Variants in CNBD1 observed in about 807,000 individuals in gnomAD.
CNBD1 encodes the protein cyclic nucleotide binding domain containing 1.
Under a neutral mutation model 54.4 loss-of-function variants are expected in CNBD1, and 71 were observed. The ratio of observed to expected loss-of-function variants is 1.30; its 90% CI spans 1.08 to 1.59. The LOEUF (loss-of-function observed/expected upper bound fraction) is 1.59. CNBD1 is among the 40% of genes most tolerant of loss of function. The pLI is 0.00. For synonymous variants in CNBD1, 182 were observed against 170.7 expected (o/e 1.07, Z -0.51); for missense variants, 659 against 518.0 (o/e 1.27, Z -2.64).
intron 5 of CNBD1, among the ~76,000 whole-genome samples, chr8:87,212,565 A>T (rs1226074775): frequency 6.6e-6 from 1 of 152,200 alleles, no homozygotes; most frequent in African/African-American, 2.4e-5. Flanking sequence ...TTGATGGTCT[A>T]TTGGTTTTAG....
At chr8:86,887,740 A>G (rs1808702359) in intron 2 of CNBD1, 129 bp downstream of exon 2, 3 of 611,762 alleles carry the variant, frequency 4.9e-6, no homozygotes, top group Admixed American at 3.4e-5. Context: ...AGATAAAAAC[A>G]GTTGAAAACC....
At chr8:87,250,885 T>C (rs1479841436) in intron 6 of CNBD1, among the ~76,000 whole-genome samples, 1 of 152,098 alleles carries the variant, frequency 6.6e-6, no homozygotes, top group Non-Finnish European at 1.5e-5. Context: ...TACAATGGGA[T>C]AGAGGAAGTA....
At chr8:87,057,034 T>C (rs999013004) in intron 4 of CNBD1, among the ~76,000 whole-genome samples, 3 of 152,172 alleles carry the variant, frequency 2.0e-5, no homozygotes, top group Non-Finnish European at 2.9e-5. Flanking sequence ...ATGTTACTTC[T>C]ATTATTATAT....
chr8:87,269,633 AC>A (rs1195946248), intron 6 of CNBD1, among the ~76,000 whole-genome samples: 1 of 151,836 alleles, frequency 6.6e-6, no homozygotes, highest in Non-Finnish European at 1.5e-5. Flanking sequence ...AAGATCTTTT[AC>A]CCCCTTCATA....
At chr8:87,015,526 T>A in intron 4 of CNBD1, among the ~76,000 whole-genome samples, 1 of 152,294 alleles carries the variant, frequency 6.6e-6, no homozygotes, top group Middle Eastern at 3.4e-3. Flanking sequence ...TTTAAGTTTT[T>A]AAATTCTATA....
intron 4 of CNBD1, among the ~76,000 whole-genome samples, chr8:86,984,910 G>T (rs1006819434): frequency 1.3e-5 from 2 of 152,130 alleles, no homozygotes; most frequent in Non-Finnish European, 2.9e-5. Flanking sequence ...CTGTTGGGAA[G>T]GCATGATTGG....
intron 6 of CNBD1, among the ~76,000 whole-genome samples, chr8:87,281,671 G>A (rs1270411357): frequency 6.8e-6 from 1 of 146,328 alleles, no homozygotes; most frequent in Non-Finnish European, 1.5e-5. Context: ...ATTTCTACAA[G>A]GTAGATTCTT....
At chr8:87,105,920 C>T (rs1005201045) in intron 4 of CNBD1, among the ~76,000 whole-genome samples, 1 of 152,068 alleles carries the variant, frequency 6.6e-6, no homozygotes, top group African/African-American at 2.4e-5. Context: ...TTCTTTGCCA[C>T]ATAGTTACAG....
chr8:87,223,058 T>C (rs1032950765), intron 5 of CNBD1, among the ~76,000 whole-genome samples: 2 of 150,412 alleles, frequency 1.3e-5, no homozygotes, highest in South Asian at 4.2e-4. Flanking sequence ...ATTTTTCTTT[T>C]TTTTTTTTTT....
At chr8:87,402,258 CAT>C (rs757315759) in intron 2 of CNBD1, among the ~76,000 whole-genome samples, 7 of 152,066 alleles carry the variant, frequency 4.6e-5, no homozygotes, top group South Asian at 2.1e-4. Context: ...CCTCCCAAAA[CAT>C]GTGGAGATTA....
intron 4 of CNBD1, among the ~76,000 whole-genome samples, chr8:87,076,092 G>A (rs1275262841): frequency 6.6e-6 from 1 of 152,154 alleles, no homozygotes; most frequent in African/African-American, 2.4e-5. Flanking sequence ...TAGTGCAGAT[G>A]GGATAAGAGT....
chr8:87,068,531 A>G (rs973556801), intron 4 of CNBD1, among the ~76,000 whole-genome samples: 13 of 151,988 alleles, frequency 8.6e-5, no homozygotes, highest in African/African-American at 3.1e-4. Context: ...TGTTTAGGCC[A>G]AGGTTTGAGC....
intron 8 of CNBD1, among the ~76,000 whole-genome samples, chr8:87,337,658 C>G (rs1465342299): frequency 6.6e-6 from 1 of 152,200 alleles, no homozygotes; most frequent in Non-Finnish European, 1.5e-5. Flanking sequence ...GGAAAAACCA[C>G]AGTTTTCCAG....
chr8:87,410,193 C>A lies in CNBD1; in HGVS notation c.214-18353C>A, dbSNP rs192576953. On this transcript the variant is annotated intron_variant, in intron 2 of 7. Transcript: ENST00000521593. Reference sequence around the variant, plus strand: ...TTCATTTACAATGCACATAGTCAACCAAGAGCTCTGATGGAGATCCACATG... The same window carrying A: ...TTCATTTACAATGCACATAGTCAACAAAGAGCTCTGATGGAGATCCACATG... Among the ~76,000 whole-genome samples, 485 of 152,202 alleles carry A rather than the reference C, an allele frequency of 3.2e-3. 2 individuals are homozygous for A. The highest frequency in any genetic ancestry group is 0.011 in the African/African-American group (453 of 41,532).
At chr8:87,386,864 G>C (rs150736836), downstream of CNBD1, among the ~76,000 whole-genome samples, 2,871 of 152,230 alleles carry the variant, frequency 0.019, 91 homozygotes, top group African/African-American at 0.062. Flanking sequence ...AGAGAAAGGT[G>C]GGGTTACCCA....
At chr8:87,040,359 A>G (rs1226813047) in intron 4 of CNBD1, among the ~76,000 whole-genome samples, 3 of 151,662 alleles carry the variant, frequency 2.0e-5, no homozygotes, top group East Asian at 3.9e-4. Flanking sequence ...CAATTTTGCA[A>G]TGGTGAATTC....
At chr8:87,303,142 A>C (rs1201188071) in intron 8 of CNBD1, among the ~76,000 whole-genome samples, 2 of 152,078 alleles carry the variant, frequency 1.3e-5, no homozygotes, top group Admixed American at 6.6e-5. Flanking sequence ...ACTACTTTAA[A>C]GTTCATATGG....
intron 2 of CNBD1, among the ~76,000 whole-genome samples, chr8:86,898,743 G>A (rs1808884484): frequency 6.6e-6 from 1 of 151,966 alleles, no homozygotes; most frequent in South Asian, 2.1e-4. Flanking sequence ...AAAAATTCTA[G>A]GTAACGTTGG....
chr8:87,104,815 T>C (rs2130697393), intron 4 of CNBD1, among the ~76,000 whole-genome samples: 1 of 152,324 alleles, frequency 6.6e-6, no homozygotes, highest in South Asian at 2.1e-4. Flanking sequence ...CAGAATTTTC[T>C]CCCAAGGGAA....
Sources: gnomAD v4.1 joint callset for allele counts (sites outside exome capture counted in the v4.1 genomes callset) on GRCh38, gnomAD v4.1.1 for gene constraint, MANE v1.5 for transcripts, NCBI Gene and HGNC (gene_info 2026-07-23, HGNC 2026-07-21) for gene names.